Variants in UPF2 observed in about 807,000 individuals in gnomAD.
UPF2 encodes regulator of nonsense transcripts 2.
UPF2 carries 17 observed loss-of-function variants against 141.4 expected under a neutral mutation model. The ratio of observed to expected loss-of-function variants is 0.12; its 90% CI spans 0.08 to 0.18. The LOEUF is 0.18. UPF2 is among the 10% of genes least tolerant of loss of function. UPF2 has a pLI of 1.00. For missense variants in UPF2, 1,152 were observed against 1,515.9 expected (o/e 0.76, Z 3.99); for synonymous variants, 540 against 498.0 (o/e 1.08, Z -1.12).
intron 3 of UPF2, among the ~76,000 whole-genome samples, chr10:12,018,864 G>A (rs1834270393): frequency 1.3e-5 from 2 of 152,182 alleles, no homozygotes; most frequent in South Asian, 4.1e-4. Flanking sequence ...GTAACTTTAT[G>A]CAACTCACAG....
chr10:11,930,904 C>T (rs1832775061), intron 20 of UPF2, among the ~76,000 whole-genome samples: 1 of 152,180 alleles, frequency 6.6e-6, no homozygotes, highest in African/African-American at 2.4e-5. Flanking sequence ...TCATTCAGTA[C>T]AGTGCTGTAG....
At chr10:11,951,973 A>C in intron 15 of UPF2, 93 bp downstream of exon 15, 1 of 1,291,016 alleles carries the variant, frequency 7.7e-7, no homozygotes, top group Non-Finnish European at 1.1e-6. Context: ...GAAAAGATAC[A>C]ATGTAAGCTC....
Position 11,979,513 on chromosome 10 carries a change from C to T in UPF2, c.1845-348G>A, listed in dbSNP as rs926732296. Among the ~76,000 whole-genome samples, 1 of 152,212 alleles carries T rather than the reference C, an allele frequency of 6.6e-6. No individual in the cohort carries two copies. Among genetic ancestry groups the T allele is most frequent in the African/African-American group, 2.4e-5 (1 of 41,450 alleles). On this transcript the variant is annotated intron_variant, in intron 8 of 21. Transcript: ENST00000357604. This position sits in a 1 kb window ranked among gnomAD's most constrained non-coding sequence, Gnocchi z 6.2. ...ACTGAGTAACTGCATATTTACAAAT[C>T]TCAAGGTAACTTCTCTAGTGCAAGA...
chr10:12,007,174 C>T (rs1026183604), intron 4 of UPF2, among the ~76,000 whole-genome samples: 1 of 152,098 alleles, frequency 6.6e-6, no homozygotes, highest in African/African-American at 2.4e-5. Flanking sequence ...AGAAAGCTCT[C>T]AAAAATAATA....
rs532330503 is a variant in UPF2 at position 12,007,274 on chromosome 10, T to TA, written c.1307-2548dup. 3.2e-4 allele frequency among the ~76,000 whole-genome samples: 48 copies of TA among 152,294 alleles called. No homozygotes were observed. In the East Asian group the frequency reaches 7.1e-3, roughly 23 times the overall value. On this transcript the variant is annotated intron_variant, in intron 4 of 21. Coordinates refer to ENST00000357604, the MANE Select transcript of UPF2 (RefSeq NM_015542.4). ...ATTATATATATTTTCTGGAAAAAAG[T>TA]AAAGTCTGGACACATTACTATCAAG...
rs144323947 is a variant in UPF2, at chr10:12,037,203, G to A, written c.-18-1762C>T. 1.3e-4 allele frequency among the ~76,000 whole-genome samples: 20 copies of A among 152,082 alleles called. No homozygotes were observed. The East Asian group carries it at 3.9e-3, about 29-fold the overall frequency. ...AGGCTCAAGTGACCCACCTGCCTCA[G>A]CCCCCCAAGTAGCTGGAACAGTAGG... On this transcript the variant is annotated intron_variant, in intron 1 of 21. Coordinates refer to ENST00000357604, the MANE Select transcript of UPF2 (RefSeq NM_015542.4).
chr10:11,982,282 A>G (rs1833611912), intron 8 of UPF2, among the ~76,000 whole-genome samples: 10 of 152,216 alleles, frequency 6.6e-5, no homozygotes, highest in Admixed American at 5.9e-4. Context: ...AAGTACAGGT[A>G]CAACAGCAAA....
intron 21 of UPF2, among the ~76,000 whole-genome samples, chr10:11,922,601 G>C (rs1352071840): frequency 6.6e-6 from 1 of 152,202 alleles, no homozygotes; most frequent in Non-Finnish European, 1.5e-5. Flanking sequence ...ACTAGTTATA[G>C]TGTAAGGTGT....
chr10:12,015,237 A>G (rs7077255), intron 3 of UPF2, among the ~76,000 whole-genome samples: 3,239 of 151,514 alleles, frequency 0.021, 104 homozygotes, highest in African/African-American at 0.07. Context: ...GTTTTCTTAC[A>G]AACAGTGAAG....
At chr10:11,932,588 A>G (rs1433023252) in intron 19 of UPF2, among the ~76,000 whole-genome samples, 1 of 152,188 alleles carries the variant, frequency 6.6e-6, no homozygotes, top group Non-Finnish European at 1.5e-5. Context: ...GACAGTAATA[A>G]ATACGGGGAA....
chr10:11,990,152 A>G (rs2131247860), intron 8 of UPF2, among the ~76,000 whole-genome samples: 1 of 152,354 alleles, frequency 6.6e-6, no homozygotes, highest in East Asian at 1.9e-4. Context: ...AATGAAAAGA[A>G]AAGGGAAAGC....
intron 8 of UPF2, among the ~76,000 whole-genome samples, chr10:11,987,601 A>T (rs1347272181): frequency 3.3e-5 from 5 of 151,598 alleles, no homozygotes; most frequent in South Asian, 2.1e-4. Context: ...CTACTAAAAA[A>T]ATATATAAAA....
rs773989496 is a variant in UPF2, at chr10:12,004,724, T to A, written c.1310A>T (p.His437Leu). The A allele has an allele frequency of 6.2e-7, 1 of 1,610,074 alleles. No homozygotes were observed. Among genetic ancestry groups the A allele is most frequent in the Non-Finnish European group, 8.5e-7 (1 of 1,178,786 alleles). ...LPQDKPTPEE[H>L]GPGIDIFTPG... ...TGTGAATATATCAATTCCAGGCCCA[T>A]GTTCTACAATAAAATAAATCACAAG... is the stretch of plus-strand genomic sequence containing the variant. Residue 437 changes from histidine to leucine, a missense_variant, in exon 5 of 22, where the codon CAT (histidine) becomes CTT (leucine). By Grantham distance (99) the His-to-Leu change is moderately conservative (BLOSUM62 -3). This residue lies in a region of UPF2 where 739 missense variants were observed against 1,032.2 expected (regional missense o/e 0.72). Transcript: ENST00000357604.
At chr10:12,029,957 C>CAAAAAAAAAAAAACAAAAAAA (rs1834487578) in intron 2 of UPF2, among the ~76,000 whole-genome samples, 1 of 71,198 alleles carries the variant, frequency 1.4e-5, no homozygotes, top group Non-Finnish European at 2.9e-5. Context: ...GACTCCGTCT[C>CAAAAAAAAAAAAACAAAAAAA]AAAAAAAAAA....
At chr10:12,025,393 A>T (rs1420323820) in intron 3 of UPF2, among the ~76,000 whole-genome samples, 1 of 152,084 alleles carries the variant, frequency 6.6e-6, no homozygotes, top group Non-Finnish European at 1.5e-5. Flanking sequence ...TCTACTAAAA[A>T]TACAAAAATT....
At chr10:12,041,757 C>T (rs1834737938) in intron 1 of UPF2, among the ~76,000 whole-genome samples, 1 of 152,154 alleles carries the variant, frequency 6.6e-6, no homozygotes, top group African/African-American at 2.4e-5. Context: ...GTATTAAGAA[C>T]TGTTAGAAAT....
intron 8 of UPF2, among the ~76,000 whole-genome samples, chr10:11,996,600 T>A (rs188911970): frequency 5.9e-5 from 9 of 152,294 alleles, no homozygotes; most frequent in Admixed American, 2.0e-4. Flanking sequence ...TGCCTCAGCC[T>A]CCCAAGGTGC....
rs147481355 is a variant in UPF2 at position 11,921,372 on chromosome 10, C to T, written c.3810-65G>A. ...CACAGGACAAAGTCCAGCAAGATGG[C>T]GTCTGCAACGCTACCCACCACCACC... On this transcript the variant is annotated intron_variant, in intron 21 of 21. Transcript: ENST00000357604. This position sits in a 1 kb window ranked among gnomAD's most constrained non-coding sequence, Gnocchi z 5.9. The T allele has an allele frequency of 6.6e-4, 1,054 of 1,599,880 alleles. 7 individuals are homozygous for T. In the African/African-American group the frequency reaches 0.013, roughly 19 times the overall value.
intron 21 of UPF2, among the ~76,000 whole-genome samples, chr10:11,925,697 G>T (rs1832703842): frequency 6.6e-6 from 1 of 152,242 alleles, no homozygotes; most frequent in African/African-American, 2.4e-5. Context: ...GAACACCAAG[G>T]CAGGACCCGA....
Sources: allele counts gnomAD v4.1 joint callset (sites outside exome capture counted in the v4.1 genomes callset), GRCh38; gene constraint gnomAD v4.1.1; regional missense constraint gnomAD v4.1.1; non-coding constraint Gnocchi (gnomAD v3.1); transcripts MANE v1.5; gene names NCBI Gene and HGNC (gene_info 2026-07-23, HGNC 2026-07-21).